The following BTRC variants were observed in gnomAD, a reference collection of about 807,000 sequenced individuals.
BTRC encodes the protein beta-transducin repeat containing E3 ubiquitin protein ligase, also known as F-box/WD repeat-containing protein 1A.
A neutral mutation model predicts 85.5 loss-of-function variants in BTRC; 42 were observed. That is an observed-to-expected ratio of 0.49 (90% CI 0.38 to 0.64). BTRC has a LOEUF of 0.64. Among genes scored for constraint, BTRC ranks in the 30% least tolerant of loss-of-function variants. BTRC has a pLI of 0.00. For synonymous variants in BTRC, 255 were observed against 263.3 expected (o/e 0.97, Z 0.30); for missense variants, 594 against 743.5 (o/e 0.80, Z 2.34).
At chr10:101,506,980 T>C (rs537211752) in intron 4 of BTRC, among the ~76,000 whole-genome samples, 16 of 152,366 alleles carry the variant, frequency 1.1e-4, no homozygotes, top group African/African-American at 3.8e-4. Context: ...ATACCATGTC[T>C]TAGGAATCCA....
intron 1 of BTRC, among the ~76,000 whole-genome samples, chr10:101,360,169 C>T (rs1012443944): frequency 2.0e-5 from 3 of 152,014 alleles, no homozygotes; most frequent in Non-Finnish European, 1.5e-5. Flanking sequence ...ATTCTTGTGC[C>T]TCAGCCTCCC....
chr10:101,478,574 T>C (rs1395818392), intron 3 of BTRC, among the ~76,000 whole-genome samples: 1 of 151,766 alleles, frequency 6.6e-6, no homozygotes, highest in African/African-American at 2.4e-5. Flanking sequence ...GAGGATCACT[T>C]GAGCTCAGGA....
At chr10:101,467,615 G>A (rs1945414350) in intron 3 of BTRC, among the ~76,000 whole-genome samples, 1 of 151,854 alleles carries the variant, frequency 6.6e-6, no homozygotes. Context: ...TTATATATGT[G>A]TGGTTGGTTG....
intron 13 of BTRC, among the ~76,000 whole-genome samples, chr10:101,546,796 A>G (rs927006119): frequency 3.3e-5 from 5 of 152,198 alleles, no homozygotes; most frequent in African/African-American, 9.6e-5. Context: ...TAGCCAGACT[A>G]TGAAAAACAA....
At chr10:101,416,050 A>G (rs987447061) in intron 1 of BTRC, among the ~76,000 whole-genome samples, 1 of 152,156 alleles carries the variant, frequency 6.6e-6, no homozygotes, top group African/African-American at 2.4e-5. Flanking sequence ...CAGCCGAGAA[A>G]TCACCTAGTG....
intron 2 of BTRC, among the ~76,000 whole-genome samples, chr10:101,457,131 G>A (rs1945103342): frequency 6.6e-6 from 1 of 152,182 alleles, no homozygotes; most frequent in South Asian, 2.1e-4. Flanking sequence ...TAACTATACT[G>A]TAATAAAAGT....
At chr10:101,386,279 G>A (rs1354054480) in intron 1 of BTRC, among the ~76,000 whole-genome samples, 1 of 152,198 alleles carries the variant, frequency 6.6e-6, no homozygotes, top group Non-Finnish European at 1.5e-5. Flanking sequence ...GTTTACTCTA[G>A]TAAGTACACT....
At chr10:101,398,149 G>A (rs1943409852) in intron 1 of BTRC, among the ~76,000 whole-genome samples, 1 of 152,052 alleles carries the variant, frequency 6.6e-6, no homozygotes, top group African/African-American at 2.4e-5. Context: ...TGTAAAATAA[G>A]TCTTCTAGTA....
Position 101,467,106 on chromosome 10 carries a change from T to C in BTRC, c.234+5048T>C, listed in dbSNP as rs370453446. ...TGAGAGAAAACATACTGTATTTCTGTTCTTTGGAGGACAATTTATTTTCAA... is the reference window on the plus strand; with the variant it reads ...TGAGAGAAAACATACTGTATTTCTGCTCTTTGGAGGACAATTTATTTTCAA... On this transcript the variant is annotated intron_variant, in intron 3 of 14. Coordinates refer to ENST00000370187, the MANE Select transcript of BTRC (RefSeq NM_033637.4). Among the ~76,000 whole-genome samples, 25 of 152,278 alleles carry C rather than the reference T, an allele frequency of 1.6e-4. No individual in the cohort carries two copies. The East Asian group carries it at 4.0e-3, about 25-fold the overall frequency.
At position 101,415,277 on chromosome 10, in the gene BTRC, A is replaced by G. The variant is rs946297180; in HGVS notation, c.49-15068A>G. On this transcript the variant is annotated intron_variant, in intron 1 of 14. Transcript: ENST00000370187. ...TTCAGCCTCCACATTCCAGGCTGAA[A>G]TGATCCTCCTGCTGCAGTCTCCCGA... 2.6e-5 allele frequency among the ~76,000 whole-genome samples: 4 copies of G among 151,414 alleles called. No individual in the cohort carries two copies. The South Asian group carries it at 8.3e-4, about 32-fold the overall frequency.
At chr10:101,489,629 C>T (rs1242889177) in intron 4 of BTRC, among the ~76,000 whole-genome samples, 1 of 152,100 alleles carries the variant, frequency 6.6e-6, no homozygotes, top group Non-Finnish European at 1.5e-5. Context: ...TTTATTCTTG[C>T]GTCATGACTT....
At chr10:101,417,417 T>C (rs1943975698) in intron 1 of BTRC, among the ~76,000 whole-genome samples, 1 of 152,228 alleles carries the variant, frequency 6.6e-6, no homozygotes, top group Non-Finnish European at 1.5e-5. Context: ...CATGATTAGA[T>C]CCAAATTAGG....
intron 1 of BTRC, among the ~76,000 whole-genome samples, chr10:101,389,119 G>GTGTTTTTT (rs1943166078): frequency 1.2e-4 from 5 of 41,554 alleles, no homozygotes; most frequent in East Asian, 1.0e-3. Flanking sequence ...TTTTGTGTGT[G>GTGTTTTTT]TTTTTTTTTT....
intron 4 of BTRC, among the ~76,000 whole-genome samples, chr10:101,503,982 C>T (rs1283323084): frequency 6.6e-6 from 1 of 152,128 alleles, no homozygotes; most frequent in Non-Finnish European, 1.5e-5. Flanking sequence ...TTTACATGTG[C>T]CTCTGTGTTT....
rs71016330 is a variant in BTRC, at chr10:101,509,243, ATTTTTTTTTTTT to A, written c.325-12378_325-12367del. On this transcript the variant is annotated intron_variant, in intron 4 of 14. Transcript: ENST00000370187. ...TTCAAGCATGACAGTGGCAATGTGG[ATTTTTTTTTTTT>A]TTTTTTTTTTTTTTTTTGAGACAGA... Among the ~76,000 whole-genome samples, 8 of 69,914 alleles carry A rather than the reference ATTTTTTTTTTTT, an allele frequency of 1.1e-4. No individual in the cohort carries two copies. In the South Asian group the frequency reaches 1.6e-3, roughly 14 times the overall value. 45.9% of individuals were successfully genotyped at this position (69,914 alleles called of 152,430 possible). A position where few individuals can be genotyped will look rare whatever the true frequency, so the allele number is the denominator to read the frequency against.
At chr10:101,379,572 A>AT (rs920059277) in intron 1 of BTRC, among the ~76,000 whole-genome samples, 14 of 151,618 alleles carry the variant, frequency 9.2e-5, no homozygotes, top group East Asian at 7.8e-4. Flanking sequence ...TATACTACAT[A>AT]TTTTTTTTTC....
At position 101,475,955 on chromosome 10, in the gene BTRC, T is replaced by TATATATATA. The variant is rs1564795715; in HGVS notation, c.235-3413_235-3412insATATATATA. Among the ~76,000 whole-genome samples the TATATATATA allele has an allele frequency of 3.3e-4, 8 of 24,234 alleles. 1 individual carries two copies. The highest frequency in any genetic ancestry group is 9.3e-4 in the Non-Finnish European group (8 of 8,630). 15.9% of individuals were successfully genotyped at this position (24,234 alleles called of 152,430 possible). A position where few individuals can be genotyped will look rare whatever the true frequency, so the allele number is the denominator to read the frequency against. ...TATATATATATATATATATATATAT[T>TATATATATA]CAGTAATTCCTAAGGGGAAAATAAT... On this transcript the variant is annotated intron_variant, in intron 3 of 14. Coordinates refer to ENST00000370187, the MANE Select transcript of BTRC (RefSeq NM_033637.4).
Position 101,356,913 on chromosome 10 carries a change from G to A in BTRC, c.48+2685G>A, listed in dbSNP as rs529611365. ...TGGGAGGCCGAGGCAGGCGGATCAC[G>A]AGGTCAGGAGATCGAGACCATCCTG... On this transcript the variant is annotated intron_variant, in intron 1 of 14. Coordinates refer to ENST00000370187, the MANE Select transcript of BTRC (RefSeq NM_033637.4). Among the ~76,000 whole-genome samples the A allele has an allele frequency of 3.9e-3, 599 of 152,224 alleles. 6 individuals carry two copies. The highest frequency in any genetic ancestry group is 0.013 in the African/African-American group (545 of 41,532).
At chr10:101,458,196 A>C (rs1945130173) in intron 2 of BTRC, among the ~76,000 whole-genome samples, 1 of 152,244 alleles carries the variant, frequency 6.6e-6, no homozygotes. Flanking sequence ...AAGGAAAAGA[A>C]ATACTAGTAT....
Sources: allele counts gnomAD v4.1 joint callset (sites outside exome capture counted in the v4.1 genomes callset), GRCh38; gene constraint gnomAD v4.1.1; transcripts MANE v1.5; gene names NCBI Gene and HGNC (gene_info 2026-07-23, HGNC 2026-07-21).